The following ADCY9 variants were observed in gnomAD, a reference collection of about 807,000 sequenced individuals.
The protein encoded by ADCY9 is adenylate cyclase 9.
A neutral mutation model predicts 101.5 loss-of-function variants in ADCY9; 50 were observed. The observed-to-expected ratio is 0.49, with a 90% CI of 0.39 to 0.62. The LOEUF is 0.62. Ranked by LOEUF, ADCY9 falls within the 20% of genes least tolerant of loss-of-function variation. ADCY9 has a pLI of 0.00. For missense variants in ADCY9, 1,662 were observed against 1,800.4 expected, an observed-to-expected ratio of 0.92 and a Z score of 1.39; for synonymous variants, 905 against 769.3, an observed-to-expected ratio of 1.18 and a Z score of -2.92.
Position 3,963,441 on chromosome 16 carries a change from G to A in ADCY9, c.*2334C>T, listed in dbSNP as rs958964148. 4 of 397,582 alleles carry A rather than the reference G, an allele frequency of 1.0e-5. No individual in the cohort carries two copies. The highest frequency in any genetic ancestry group is 4.1e-5 in the African/African-American group (2 of 48,494). The allele number at this position is 397,582 out of a possible 1,614,324, so 24.6% of individuals were successfully genotyped here. On this transcript the variant is annotated 3_prime_UTR_variant, in exon 11 of 11. Transcript: ENST00000294016. The stretch of plus-strand genomic sequence containing the variant: ...TCGGAGCAGGGGACGGGGAGGACCC[G>A]AGGGGCTTCGTGGCCCAGAGAGAAC...
chr16:4,004,985 C>A (rs1015019272), intron 3 of ADCY9, among the ~76,000 whole-genome samples: 1 of 152,088 alleles, frequency 6.6e-6, no homozygotes, highest in African/African-American at 2.4e-5. Flanking sequence ...TGGCATGAAA[C>A]TCCTTTTACT....
At chr16:4,085,099 C>T (rs1438277373) in intron 2 of ADCY9, among the ~76,000 whole-genome samples, 1 of 152,124 alleles carries the variant, frequency 6.6e-6, no homozygotes, top group Non-Finnish European at 1.5e-5. Flanking sequence ...CAGTGGCTCA[C>T]GCCTGTAATC....
At chr16:4,070,076 C>T (rs1170594708) in intron 2 of ADCY9, among the ~76,000 whole-genome samples, 1 of 151,726 alleles carries the variant, frequency 6.6e-6, no homozygotes, top group Non-Finnish European at 1.5e-5. Context: ...CCAGCCTCGG[C>T]AACAGAGTGA....
chr16:4,007,269 G>C (rs1374810845), intron 3 of ADCY9, 99 bp downstream of exon 3: 5 of 1,037,814 alleles, frequency 4.8e-6, no homozygotes, highest in Non-Finnish European at 6.6e-6. Flanking sequence ...ATTCCAAGTT[G>C]TTTGCCTCAG....
At chr16:3,980,878 G>A (rs1366940139) in intron 7 of ADCY9, among the ~76,000 whole-genome samples, 1 of 152,202 alleles carries the variant, frequency 6.6e-6, no homozygotes, top group African/African-American at 2.4e-5. Context: ...AGACTGCAGG[G>A]ATCTGAAAAT....
intron 2 of ADCY9, among the ~76,000 whole-genome samples, chr16:4,112,107 A>T (rs1334598431): frequency 6.6e-6 from 1 of 152,204 alleles, no homozygotes; most frequent in Non-Finnish European, 1.5e-5. Flanking sequence ...GTCTCCAAGG[A>T]CAGAGCTCAC....
At chr16:4,097,487 T>TATATATATATATATACAC (rs76750792) in intron 2 of ADCY9, among the ~76,000 whole-genome samples, 4 of 72,494 alleles carry the variant, frequency 5.5e-5, no homozygotes, top group Non-Finnish European at 5.3e-5. Context: ...TATATATATA[T>TATATATATATATATACAC]ACACACACAC....
At chr16:4,100,717 T>C (rs2057037186) in intron 2 of ADCY9, among the ~76,000 whole-genome samples, 1 of 132,500 alleles carries the variant, frequency 7.5e-6, no homozygotes, top group African/African-American at 2.8e-5. Context: ...CACTCCAACC[T>C]GGGCAAAGGA....
chr16:4,030,707 A>C (rs1355583892), intron 2 of ADCY9, among the ~76,000 whole-genome samples: 1 of 151,978 alleles, frequency 6.6e-6, no homozygotes, highest in Non-Finnish European at 1.5e-5. Flanking sequence ...CGGTCTCAAA[A>C]AAAAAAAAAG....
rs576297326 is a variant in ADCY9 at position 3,975,342 on chromosome 16, T to A, written c.2829-632A>T. Among the ~76,000 whole-genome samples, 95 of 152,346 alleles carry A rather than the reference T, an allele frequency of 6.2e-4. No homozygotes were observed. In the South Asian group the frequency reaches 0.019, roughly 31 times the overall value. On this transcript the variant is annotated intron_variant, in intron 9 of 10. Coordinates refer to ENST00000294016, the MANE Select transcript of ADCY9 (RefSeq NM_001116.4). ...TTTCAAGTACTGAATGACAGTCCTA[T>A]TTTAAATTCCCTTTTTGATCTTAAT...
chr16:3,977,442 C>T (rs1038646010), intron 9 of ADCY9, 40 bp downstream of exon 9: 10 of 1,536,376 alleles, frequency 6.5e-6, no homozygotes, highest in East Asian at 2.5e-5. Context: ...GGCAAGGTGG[C>T]CACGCACCCT....
At chr16:4,076,245 T>C (rs1047834820) in intron 2 of ADCY9, among the ~76,000 whole-genome samples, 8 of 152,196 alleles carry the variant, frequency 5.3e-5, no homozygotes, top group Non-Finnish European at 7.3e-5. Flanking sequence ...GCCCAATTTC[T>C]CAGGTTTATG....
intron 2 of ADCY9, among the ~76,000 whole-genome samples, chr16:4,046,981 GC>G (rs1300273663): frequency 1.3e-5 from 2 of 152,100 alleles, no homozygotes; most frequent in African/African-American, 4.8e-5. Context: ...CTGGACTCCA[GC>G]CTGGTCAACA....
At chr16:4,046,934 C>T (rs889270477) in intron 2 of ADCY9, among the ~76,000 whole-genome samples, 1 of 152,060 alleles carries the variant, frequency 6.6e-6, no homozygotes, top group East Asian at 1.9e-4. Context: ...TGACTGAGCT[C>T]TGGAGGTCGA....
intron 2 of ADCY9, among the ~76,000 whole-genome samples, chr16:4,071,281 G>T (rs1367541109): frequency 7.3e-6 from 1 of 136,276 alleles, no homozygotes; most frequent in East Asian, 2.3e-4. Context: ...AGTGAGCAGA[G>T]ATGGTGCTAC....
At chr16:4,095,426 G>A (rs562378850) in intron 2 of ADCY9, among the ~76,000 whole-genome samples, 16 of 152,188 alleles carry the variant, frequency 1.1e-4, no homozygotes, top group African/African-American at 3.9e-4. Flanking sequence ...GAAGCTCACC[G>A]TCAAGAGCAA....
rs567843601 is a variant in ADCY9, at chr16:4,107,412, G to A, written c.1693+6338C>T. On this transcript the variant is annotated intron_variant, in intron 2 of 10. Coordinates refer to ENST00000294016, the MANE Select transcript of ADCY9 (RefSeq NM_001116.4). ...CTAAAAATACAAAAATTAGCCGGGC[G>A]TGGTGGCGCACACCTGTAATCCCAG... Among the ~76,000 whole-genome samples, 7 of 152,090 alleles carry A rather than the reference G, an allele frequency of 4.6e-5. No homozygotes were observed. The South Asian group carries it at 6.2e-4, about 14-fold the overall frequency.
rs184694377 is a variant in ADCY9 at position 4,056,481 on chromosome 16, T to C, written c.1694-48923A>G. Among the ~76,000 whole-genome samples, 3 of 152,348 alleles carry C rather than the reference T, an allele frequency of 2.0e-5. No homozygotes were observed. The East Asian group carries it at 5.8e-4, about 29-fold the overall frequency. ...GTTGGCCAGGCTGGTCTGAAAATGC[T>C]GACCTCAAGTGATCCACCCACCTCG... is the stretch of plus-strand genomic sequence containing the variant. On this transcript the variant is annotated intron_variant, in intron 2 of 10. Transcript: ENST00000294016.
intron 2 of ADCY9, among the ~76,000 whole-genome samples, chr16:4,075,039 T>C (rs1335645189): frequency 1.3e-5 from 2 of 152,070 alleles, no homozygotes; most frequent in African/African-American, 4.8e-5. Context: ...TAGCCAGCTA[T>C]GGTGGTGCAT....
Sources: gnomAD v4.1 joint callset for allele counts (sites outside exome capture counted in the v4.1 genomes callset) on GRCh38, gnomAD v4.1.1 for gene constraint, MANE v1.5 for transcripts, NCBI Gene and HGNC (gene_info 2026-07-23, HGNC 2026-07-21) for gene names.